TCF25: variants seen among roughly 807,000 people sequenced by gnomAD.
TCF25 encodes the protein TCF25 ribosome quality control complex subunit, also known as ribosome quality control complex subunit TCF25.
TCF25 carries 41 observed loss-of-function variants against 83.1 expected under a neutral mutation model. The observed-to-expected ratio is 0.49, with a 90% CI of 0.38 to 0.64. TCF25 has a LOEUF of 0.64. Ranked by LOEUF, TCF25 falls within the 30% of genes least tolerant of loss-of-function variation. The probability of loss-of-function intolerance (pLI) is 0.00; values close to 1 mark genes in which losing one functional copy is unlikely to be tolerated. For missense variants in TCF25, 979 were observed against 914.5 expected, an observed-to-expected ratio of 1.07 and a Z score of -0.91; for synonymous variants, 458 against 365.0, an observed-to-expected ratio of 1.25 and a Z score of -2.90.
chr16:89,903,794 G>A (rs1293447108), intron 12 of TCF25, among the ~76,000 whole-genome samples: 1 of 152,124 alleles, frequency 6.6e-6, no homozygotes, highest in African/African-American at 2.4e-5. Flanking sequence ...GCAACAGAGT[G>A]AGACCCTGTC....
At chr16:89,899,106 C>T (rs2044119074) in intron 11 of TCF25, among the ~76,000 whole-genome samples, 1 of 152,152 alleles carries the variant, frequency 6.6e-6, no homozygotes, top group Non-Finnish European at 1.5e-5. Context: ...TACGTGTGTA[C>T]ACATGCTCAA....
At chr16:89,886,185 T>C in intron 4 of TCF25, 1 of 523,788 alleles carries the variant, frequency 1.9e-6, no homozygotes, top group Non-Finnish European at 3.7e-6. Flanking sequence ...CCCAGCACTT[T>C]GGGAGGCCAA....
intron 12 of TCF25, chr16:89,901,125 C>T (rs2044288140): frequency 4.4e-6 from 1 of 228,078 alleles, no homozygotes; most frequent in East Asian, 8.5e-5. Flanking sequence ...AGGGGAAGGT[C>T]TCGGCAGCGC....
At chr16:89,909,088 G>A (rs57940434) in intron 16 of TCF25, 138,232 of 1,289,352 alleles carry the variant, frequency 0.11, 8,257 homozygotes, top group East Asian at 0.26. Context: ...TGGCAGGTGC[G>A]AGTGACACAG....
intron 16 of TCF25, among the ~76,000 whole-genome samples, chr16:89,908,798 C>T (rs1490120148): frequency 2.1e-5 from 3 of 139,900 alleles, no homozygotes. Flanking sequence ...TTTCCACCTC[C>T]CAGCTCCCAC....
intron 1 of TCF25, among the ~76,000 whole-genome samples, chr16:89,875,887 T>C (rs1033871575): frequency 6.8e-6 from 1 of 146,860 alleles, no homozygotes; most frequent in African/African-American, 2.6e-5. Context: ...CCAGGCTGGT[T>C]GCTGGTCTTG....
chr16:89,907,603 C>T (rs1273567639), intron 16 of TCF25, among the ~76,000 whole-genome samples: 3 of 147,130 alleles, frequency 2.0e-5, no homozygotes, highest in East Asian at 2.0e-4. Flanking sequence ...TTCCCACCTC[C>T]CAGCTCCCAC....
intron 4 of TCF25, among the ~76,000 whole-genome samples, chr16:89,887,066 C>T (rs1393167503): frequency 6.6e-6 from 1 of 152,052 alleles, no homozygotes; most frequent in Non-Finnish European, 1.5e-5. Flanking sequence ...GACAGGATCT[C>T]TCTATCACCC....
intron 4 of TCF25, among the ~76,000 whole-genome samples, chr16:89,886,727 A>C (rs1418609307): frequency 6.6e-6 from 1 of 151,826 alleles, no homozygotes; most frequent in Non-Finnish European, 1.5e-5. Flanking sequence ...GTGCCACTGC[A>C]CTCCAGCCTG....
At chr16:89,876,793 G>A (rs939761850) in intron 1 of TCF25, among the ~76,000 whole-genome samples, 2 of 152,138 alleles carry the variant, frequency 1.3e-5, no homozygotes, top group African/African-American at 4.8e-5. Context: ...GCCGGGTGTG[G>A]CGGCGGGAGC....
intron 9 of TCF25, among the ~76,000 whole-genome samples, chr16:89,897,585 T>C (rs950638986): frequency 3.9e-5 from 6 of 152,256 alleles, no homozygotes; most frequent in African/African-American, 1.4e-4. Context: ...TCTCTTCCAA[T>C]GAAATTCTTA....
In TCF25 at chr16:89,907,165, A is replaced by G. The variant is rs185184391; in HGVS notation, c.1720-78A>G. 2.1e-3 allele frequency: 2,944 copies of G among 1,424,156 alleles called. 55 individuals are homozygous for G. Among genetic ancestry groups the G allele is most frequent in the Middle Eastern group, 3.6e-4 (2 of 5,622 alleles). The allele number at this position is 1,424,156 out of a possible 1,614,324, so 88.2% of individuals were successfully genotyped here. On this transcript the variant is annotated intron_variant, in intron 15 of 17. Transcript: ENST00000263346. ...ATGCATCCAGTCCATGCTGGAGTCG[A>G]CAGAAGGACTCTGCTGGGAGAGGTA...
intron 16 of TCF25, chr16:89,908,997 T>A (rs1210854460): frequency 7.8e-7 from 1 of 1,289,482 alleles, no homozygotes; most frequent in East Asian, 5.6e-5. Context: ...CAGTGTTATT[T>A]GGGGGTCACA....
intron 1 of TCF25, among the ~76,000 whole-genome samples, chr16:89,876,669 G>C (rs2042213843): frequency 6.6e-6 from 1 of 152,136 alleles, no homozygotes; most frequent in South Asian, 2.1e-4. Context: ...GCACATGCCT[G>C]TATTCCCAGC....
At chr16:89,892,734 A>G (rs900589135) in intron 6 of TCF25, among the ~76,000 whole-genome samples, 2 of 152,248 alleles carry the variant, frequency 1.3e-5, no homozygotes, top group African/African-American at 2.4e-5. Context: ...GAAGACAGGC[A>G]TGGAGTGTTG....
chr16:89,897,606 G>A (rs2144165809), intron 9 of TCF25, among the ~76,000 whole-genome samples: 1 of 152,332 alleles, frequency 6.6e-6, no homozygotes, highest in South Asian at 2.1e-4. Context: ...GTTCTTTGAA[G>A]TAGATTATAA....
At chr16:89,891,332 A>G (rs2043411409) in intron 5 of TCF25, among the ~76,000 whole-genome samples, 1 of 152,234 alleles carries the variant, frequency 6.6e-6, no homozygotes, top group Non-Finnish European at 1.5e-5. Context: ...AGGCAGGAGA[A>G]GCAGGCTGGG....
chr16:89,909,040 C>T (rs146419192), intron 16 of TCF25: 13,519 of 1,289,524 alleles, frequency 0.01, 84 homozygotes, highest in Non-Finnish European at 0.012. Flanking sequence ...TCTTTCCCAT[C>T]TCCACCGAAT....
chr16:89,892,121 G>A, intron 5 of TCF25, 72 bp from the exon 6 acceptor site: 15 of 1,448,018 alleles, frequency 1.0e-5, no homozygotes, highest in Non-Finnish European at 1.1e-5. Flanking sequence ...CCCGTGCAGG[G>A]ATCAGGCAGC....
Sources: allele counts gnomAD v4.1 joint callset (sites outside exome capture counted in the v4.1 genomes callset), GRCh38; gene constraint gnomAD v4.1.1; transcripts MANE v1.5; gene names NCBI Gene and HGNC (gene_info 2026-07-23, HGNC 2026-07-21).